The following GMDS variants were observed in gnomAD, a reference collection of about 807,000 sequenced individuals.
GMDS encodes GDP-mannose 4,6 dehydratase.
In GMDS, 20 loss-of-function variants were observed where a neutral mutation model predicts 49.9. The observed-to-expected ratio is 0.40, with a 90% CI of 0.28 to 0.58. GMDS has a LOEUF of 0.58. Ranked by LOEUF, GMDS falls within the 20% of genes least tolerant of loss-of-function variation. GMDS has a pLI of 0.42. For missense variants in GMDS, 362 were observed against 481.4 expected (o/e 0.75, Z 2.32); for synonymous variants, 177 against 178.6 (o/e 0.99, Z 0.07).
At chr6:1,698,143 GC>G (rs1765407445) in intron 9 of GMDS, among the ~76,000 whole-genome samples, 1 of 152,208 alleles carries the variant, frequency 6.6e-6, no homozygotes, top group South Asian at 2.1e-4. Context: ...GCGCTCTGGG[GC>G]CGGACTCCAG....
intron 4 of GMDS, among the ~76,000 whole-genome samples, chr6:1,986,547 A>G (rs1765559272): frequency 6.6e-6 from 1 of 152,210 alleles, no homozygotes; most frequent in African/African-American, 2.4e-5. Flanking sequence ...GTGGTGCTAC[A>G]TTATCACAAA....
chr6:2,087,677 G>C (rs757211099), intron 4 of GMDS, among the ~76,000 whole-genome samples: 1 of 152,158 alleles, frequency 6.6e-6, no homozygotes, highest in Non-Finnish European at 1.5e-5. Context: ...TTAGCCACAC[G>C]CAATTTTAGT....
chr6:2,004,657 C>T (rs1484101663), intron 4 of GMDS, among the ~76,000 whole-genome samples: 1 of 152,040 alleles, frequency 6.6e-6, no homozygotes, highest in Non-Finnish European at 1.5e-5. Context: ...CTGAACTTAG[C>T]GGGTGATACC....
At chr6:1,797,097 C>T (rs372942311) in intron 7 of GMDS, among the ~76,000 whole-genome samples, 1 of 152,192 alleles carries the variant, frequency 6.6e-6, no homozygotes, top group Non-Finnish European at 1.5e-5. Flanking sequence ...AGCCTGCAAG[C>T]GAGCATTACT....
intron 9 of GMDS, among the ~76,000 whole-genome samples, chr6:1,675,086 C>A (rs1247645590): frequency 6.6e-6 from 1 of 152,030 alleles, no homozygotes; most frequent in East Asian, 1.9e-4. Flanking sequence ...TACAGGTATG[C>A]AACACCACGC....
intron 4 of GMDS, among the ~76,000 whole-genome samples, chr6:2,074,666 AATTAATT>A (rs1425240902): frequency 6.6e-6 from 1 of 152,124 alleles, no homozygotes; most frequent in East Asian, 1.9e-4. Flanking sequence ...TCTTTTAAAA[AATTAATT>A]ATTTATTTTT....
chr6:2,170,228 AG>A (rs1777914998), intron 1 of GMDS, among the ~76,000 whole-genome samples: 1 of 152,102 alleles, frequency 6.6e-6, no homozygotes, highest in Non-Finnish European at 1.5e-5. Flanking sequence ...AGAGAAAGAA[AG>A]AAAACAGGAT....
rs117500623 is a variant in GMDS, at chr6:1,960,205, G to A, written c.539-234C>T. 5.4e-4 allele frequency among the ~76,000 whole-genome samples: 82 copies of A among 152,244 alleles called. 4 individuals are homozygous for A. In the East Asian group the frequency reaches 0.015, roughly 28 times the overall value. ...GCCAACAGTGCATTATTTGACAATC[G>A]AATTGATTGAATCTTTCTTAGATCT... On this transcript the variant is annotated intron_variant, in intron 5 of 10. Transcript: ENST00000380815.
chr6:1,969,693 C>T (rs1464395444), intron 4 of GMDS, among the ~76,000 whole-genome samples: 2 of 152,154 alleles, frequency 1.3e-5, no homozygotes, highest in African/African-American at 2.4e-5. Context: ...CTACTCAGAA[C>T]ATTTTCCCCA....
At chr6:1,907,488 C>G (rs986214901) in intron 7 of GMDS, among the ~76,000 whole-genome samples, 2 of 152,174 alleles carry the variant, frequency 1.3e-5, no homozygotes, top group Non-Finnish European at 2.9e-5. Flanking sequence ...TGGGCCAATA[C>G]AGTATTGAAA....
intron 9 of GMDS, among the ~76,000 whole-genome samples, chr6:1,626,422 G>A (rs1032660741): frequency 2.0e-5 from 3 of 152,156 alleles, no homozygotes; most frequent in Non-Finnish European, 4.4e-5. Flanking sequence ...CAAGGAAATA[G>A]CAATATAAGC....
intron 7 of GMDS, among the ~76,000 whole-genome samples, chr6:1,824,383 T>C (rs1317789602): frequency 6.6e-6 from 1 of 152,202 alleles, no homozygotes; most frequent in Admixed American, 6.5e-5. Context: ...CTCACTTCCC[T>C]GTACAGCCTA....
At chr6:1,870,978 G>T (rs1167339968) in intron 7 of GMDS, among the ~76,000 whole-genome samples, 2 of 151,962 alleles carry the variant, frequency 1.3e-5, no homozygotes, top group Non-Finnish European at 2.9e-5. Context: ...ACAAATCGAG[G>T]TTTGGGTGGC....
At chr6:1,911,442 G>T (rs1761048450) in intron 7 of GMDS, among the ~76,000 whole-genome samples, 1 of 152,070 alleles carries the variant, frequency 6.6e-6, no homozygotes, top group South Asian at 2.1e-4. Flanking sequence ...GTTAGAAATG[G>T]TCACTCTGCT....
intron 7 of GMDS, among the ~76,000 whole-genome samples, chr6:1,917,368 G>C (rs184269317): frequency 2.6e-5 from 4 of 152,152 alleles, no homozygotes; most frequent in African/African-American, 9.7e-5. Flanking sequence ...CATCAAACAA[G>C]GGTTTCTCCT....
intron 4 of GMDS, among the ~76,000 whole-genome samples, chr6:2,050,122 C>T (rs1770290876): frequency 6.6e-6 from 1 of 152,030 alleles, no homozygotes; most frequent in Non-Finnish European, 1.5e-5. Context: ...AATTGATAGA[C>T]TGCTAGCAAG....
chr6:1,892,587 G>A (rs1759923124), intron 7 of GMDS, among the ~76,000 whole-genome samples: 2 of 152,128 alleles, frequency 1.3e-5, no homozygotes, highest in Non-Finnish European at 2.9e-5. Flanking sequence ...TCAAACTCCT[G>A]ACCTCAGGTG....
chr6:1,741,072 T>C (rs1339011981), intron 8 of GMDS, among the ~76,000 whole-genome samples: 1 of 152,234 alleles, frequency 6.6e-6, no homozygotes, highest in Non-Finnish European at 1.5e-5. Flanking sequence ...ATTATAATTG[T>C]ACACATTTAT....
intron 7 of GMDS, among the ~76,000 whole-genome samples, chr6:1,772,054 C>T (rs1768598928): frequency 6.6e-6 from 1 of 152,146 alleles, no homozygotes; most frequent in Admixed American, 6.5e-5. Flanking sequence ...GAGGTCTGGG[C>T]TTACAGGGAC....
Sources: gnomAD v4.1 joint callset for allele counts (sites outside exome capture counted in the v4.1 genomes callset) on GRCh38, gnomAD v4.1.1 for gene constraint, MANE v1.5 for transcripts, NCBI Gene and HGNC (gene_info 2026-07-23, HGNC 2026-07-21) for gene names.